NYAP2: variants seen among roughly 807,000 people sequenced by gnomAD.
NYAP2 encodes neuronal tyrosine-phosphorylated phosphoinositide-3-kinase adapter 2.
Under a neutral mutation model 50.4 loss-of-function variants are expected in NYAP2, and 23 were observed. The ratio of observed to expected loss-of-function variants is 0.46; its 90% CI spans 0.33 to 0.65. NYAP2 has a LOEUF of 0.65. NYAP2 is among the 30% of genes least tolerant of loss of function. The pLI is 0.02. For missense variants in NYAP2, 885 were observed against 861.0 expected (o/e 1.03, Z -0.35); for synonymous variants, 394 against 365.2 (o/e 1.08, Z -0.90).
intron 4 of NYAP2, among the ~76,000 whole-genome samples, chr2:225,525,028 C>T (rs1378727683): frequency 1.3e-5 from 2 of 152,064 alleles, no homozygotes; most frequent in African/African-American, 4.8e-5. Context: ...ATTGAAACCA[C>T]AGTATGATGT....
chr2:225,398,401 TG>T (rs1383522912), upstream of NYAP2, among the ~76,000 whole-genome samples: 1 of 152,050 alleles, frequency 6.6e-6, no homozygotes, highest in Non-Finnish European at 1.5e-5. Context: ...CATGATAAAG[TG>T]TTTCCGTTTT....
chr2:225,568,975 C>T (rs2106220488), intron 4 of NYAP2, among the ~76,000 whole-genome samples: 1 of 152,230 alleles, frequency 6.6e-6, no homozygotes, highest in South Asian at 2.1e-4. Context: ...GTGCATAGCA[C>T]AGGGGAATCA....
intron 3 of NYAP2, among the ~76,000 whole-genome samples, chr2:225,512,893 C>CTTCCT (rs1293067691): frequency 1.1e-3 from 129 of 115,000 alleles, no homozygotes; most frequent in Non-Finnish European, 1.8e-3. Flanking sequence ...TCCTTCCTTC[C>CTTCCT]TTCCTTTCCT....
At chr2:225,530,314 A>G (rs1472315079) in intron 4 of NYAP2, among the ~76,000 whole-genome samples, 1 of 152,072 alleles carries the variant, frequency 6.6e-6, no homozygotes, top group Non-Finnish European at 1.5e-5. Context: ...TTAGCTGGCT[A>G]CTGAAAGGCC....
rs760145132 is a variant in NYAP2, at chr2:225,518,793, TG to T, written c.523+5123del. 5.6e-4 allele frequency among the ~76,000 whole-genome samples: 85 copies of T among 150,720 alleles called. 1 individual carries two copies. Among genetic ancestry groups the T allele is most frequent in the Non-Finnish European group, 3.0e-4 (20 of 67,678 alleles). On this transcript the variant is annotated intron_variant, in intron 4 of 6. Transcript: ENST00000636099. Reference sequence around the variant, plus strand: ...CAGCACTTTAGGAGGCCTAGACAGGTGGATTATTGGAGGTCAGGAGTTCGAG... The same window carrying T: ...CAGCACTTTAGGAGGCCTAGACAGGTGATTATTGGAGGTCAGGAGTTCGAG...
intron 4 of NYAP2, among the ~76,000 whole-genome samples, chr2:225,553,223 T>C (rs1261835417): frequency 6.6e-6 from 1 of 152,210 alleles, no homozygotes; most frequent in Non-Finnish European, 1.5e-5. Flanking sequence ...ACCTGGAAAC[T>C]GGAACCAAAT....
chr2:225,448,398 G>C (rs1020773909), intron 3 of NYAP2, among the ~76,000 whole-genome samples: 4 of 152,128 alleles, frequency 2.6e-5, no homozygotes, highest in Non-Finnish European at 5.9e-5. Context: ...ATATTAAGGG[G>C]ATGGAAGTGG....
rs573289677 is a variant in NYAP2, at chr2:225,571,967, G to A, written c.524-9974G>A. Among the ~76,000 whole-genome samples the A allele has an allele frequency of 4.6e-5, 7 of 152,246 alleles. No individual in the cohort carries two copies. The East Asian group carries it at 1.2e-3, about 25-fold the overall frequency. On this transcript the variant is annotated intron_variant, in intron 4 of 6. Transcript: ENST00000636099. ...CTAAATCATCTCTCTCAAGTTCAAAGTTCCACAGATCTCCAGGGCAGGGGC... is the reference window on the plus strand; with the variant it reads ...CTAAATCATCTCTCTCAAGTTCAAAATTCCACAGATCTCCAGGGCAGGGGC...
At chr2:225,573,598 G>T (rs541619050) in intron 4 of NYAP2, among the ~76,000 whole-genome samples, 1 of 152,020 alleles carries the variant, frequency 6.6e-6, no homozygotes, top group East Asian at 1.9e-4. Context: ...GGCTTATATG[G>T]GTGGTTCCTC....
chr2:225,670,428 A>T, the NYAP2 span, among the ~76,000 whole-genome samples: 1 of 152,090 alleles, frequency 6.6e-6, no homozygotes, highest in Non-Finnish European at 1.5e-5. Flanking sequence ...CCTAAGAGAA[A>T]GGAAAGGATT....
At position 225,582,347 on chromosome 2, in the gene NYAP2, A is replaced by G. The variant is rs1476629377; in HGVS notation, c.930A>G (p.Ser310=). The G allele has an allele frequency of 3.7e-6, 6 of 1,613,780 alleles. No homozygotes were observed. Among genetic ancestry groups the G allele is most frequent in the Non-Finnish European group, 5.1e-6 (6 of 1,179,688 alleles). ...CTGACTTGGACTTCGCCAAGGCCTC[A>G]GTGCCATGCCCCCCCAAGGGGCTGC... Residue 310 remains serine, a synonymous_variant, in exon 5 of 7, where the codon TCA becomes TCG. Transcript: ENST00000636099. This position sits in a 1 kb window ranked among gnomAD's most constrained non-coding sequence, Gnocchi z 7.0.
chr2:225,527,628 C>T (rs1271099728), intron 4 of NYAP2, among the ~76,000 whole-genome samples: 2 of 152,056 alleles, frequency 1.3e-5, no homozygotes, highest in Non-Finnish European at 2.9e-5. Context: ...TAACACAGGC[C>T]CACCCAGAAC....
At chr2:225,670,578 T>C in the NYAP2 span, among the ~76,000 whole-genome samples, 1 of 144,328 alleles carries the variant, frequency 6.9e-6, no homozygotes, top group Non-Finnish European at 1.5e-5. Context: ...TTTATGTCCT[T>C]CCTGGGAAAA....
chr2:225,701,560 C>G, the NYAP2 span: 1 of 151,640 alleles, frequency 6.6e-6, no homozygotes, highest in Non-Finnish European at 1.5e-5. Flanking sequence ...AGCCAGCATC[C>G]TCTGAGGTAT....
At chr2:225,594,413 A>C (rs1482280944) in intron 5 of NYAP2, among the ~76,000 whole-genome samples, 1 of 151,906 alleles carries the variant, frequency 6.6e-6, no homozygotes, top group Non-Finnish European at 1.5e-5. Flanking sequence ...AATCCTAGGT[A>C]CTCAGGAGGC....
intron 5 of NYAP2, among the ~76,000 whole-genome samples, chr2:225,597,518 T>TATATATATATATATAC (rs1423614668): frequency 9.1e-6 from 1 of 109,816 alleles, no homozygotes; most frequent in Non-Finnish European, 2.0e-5. Context: ...GAGAAATATA[T>TATATATATATATATAC]ATATATATAT....
the NYAP2 span, among the ~76,000 whole-genome samples, chr2:225,689,418 CAT>C: frequency 3.9e-5 from 6 of 152,082 alleles, no homozygotes; most frequent in Admixed American, 3.9e-4. Context: ...AAAATATCAA[CAT>C]GTGATGTTTG....
At chr2:225,596,480 G>A (rs992276916) in intron 5 of NYAP2, among the ~76,000 whole-genome samples, 4 of 152,254 alleles carry the variant, frequency 2.6e-5, no homozygotes, top group African/African-American at 7.2e-5. Flanking sequence ...ATATGCATCC[G>A]ACCTCCCCAA....
rs780896106 is a variant in NYAP2, at chr2:225,582,500, G to C, written c.1083G>C (p.Thr361=). 1 of 1,496,728 alleles carries C rather than the reference G, an allele frequency of 6.7e-7. No individual in the cohort carries two copies. Among genetic ancestry groups the C allele is most frequent in the African/African-American group, 1.5e-5 (1 of 67,050 alleles). The allele number at this position is 1,496,728 out of a possible 1,614,324, so 92.7% of individuals were successfully genotyped here. A position where few individuals can be genotyped will look rare whatever the true frequency, so the allele number is the denominator to read the frequency against. ...CCCCGCTTACCCCTCTGGAGGTCAC[G>C]AAGCTTCCCGTGCTGGAAAACGTGT... The change falls in exon 5 of 7, where the codon ACG becomes ACC. Residue 361 remains threonine (T), a synonymous_variant. Transcript: ENST00000636099. This position sits in a 1 kb window ranked among gnomAD's most constrained non-coding sequence, Gnocchi z 7.0.
Sources: gnomAD v4.1 joint callset for allele counts (sites outside exome capture counted in the v4.1 genomes callset) on GRCh38, gnomAD v4.1.1 for gene constraint, Gnocchi (gnomAD v3.1) non-coding constraint, MANE v1.5 for transcripts, NCBI Gene and HGNC (gene_info 2026-07-23, HGNC 2026-07-21) for gene names.